NKAIN4: variants seen among roughly 807,000 people sequenced by gnomAD.
NKAIN4 encodes the protein sodium/potassium-transporting ATPase subunit beta-1-interacting protein 4.
NKAIN4 carries 28 observed loss-of-function variants against 28.8 expected under a neutral mutation model. The ratio of observed to expected loss-of-function variants is 0.97; its 90% CI spans 0.72 to 1.33. The LOEUF (loss-of-function observed/expected upper bound fraction) is 1.33, where lower values mean the gene tolerates loss of function less well. Ranked by LOEUF, NKAIN4 falls within the 40% of genes most tolerant of loss-of-function variation. The pLI is 0.00. For synonymous variants in NKAIN4, 122 were observed against 115.6 expected (o/e 1.06, Z -0.36); for missense variants, 289 against 277.2 (o/e 1.04, Z -0.30).
At position 63,245,272 on chromosome 20, in the gene NKAIN4, C is replaced by T. The variant is rs1158910033; in HGVS notation, c.472-1188G>A. ...CTGTCCCAAATGGCCATTTCTGGTT[C>T]CATGCCACGGCCAGGGTGGGAGCAG... On this transcript the variant is annotated intron_variant, in intron 4 of 6. Coordinates refer to ENST00000370316, the MANE Select transcript of NKAIN4 (RefSeq NM_152864.4). This position sits in a 1 kb window ranked among gnomAD's most constrained non-coding sequence, Gnocchi z 4.7. 6.6e-6 allele frequency among the ~76,000 whole-genome samples: 1 copy of T among 152,166 alleles called. No individual in the cohort carries two copies. Among genetic ancestry groups the T allele is most frequent in the Admixed American group, 6.5e-5 (1 of 15,292 alleles).
intron 1 of NKAIN4, among the ~76,000 whole-genome samples, chr20:63,251,843 A>G (rs1016660404): frequency 1.3e-5 from 2 of 152,132 alleles, no homozygotes; most frequent in African/African-American, 4.8e-5. Context: ...TTGCCTGGGC[A>G]CCTGGGTGGC....
intron 6 of NKAIN4, 81 bp downstream of exon 6, chr20:63,242,458 C>T: frequency 1.1e-6 from 1 of 933,340 alleles, no homozygotes; most frequent in Non-Finnish European, 1.8e-6. Flanking sequence ...CCTGGTGAGG[C>T]CCCCAAGGAA....
Position 63,245,806 on chromosome 20 carries a change from G to C in NKAIN4, c.472-1722C>G, listed in dbSNP as rs1219044705. On this transcript the variant is annotated intron_variant, in intron 4 of 6. Transcript: ENST00000370316. The surrounding 1 kb of genome is among the most constrained non-coding windows in gnomAD (Gnocchi z 4.7). ...ATCAAAGAAATTCCCATCCCTGGGAGTCAGGATAAAAGCCAACAGGAGGCC... is the reference window on the plus strand; with the variant it reads ...ATCAAAGAAATTCCCATCCCTGGGACTCAGGATAAAAGCCAACAGGAGGCC... Among the ~76,000 whole-genome samples, 1 of 152,066 alleles carries C rather than the reference G, an allele frequency of 6.6e-6. No individual in the cohort carries two copies. Among genetic ancestry groups the C allele is most frequent in the Non-Finnish European group, 1.5e-5 (1 of 68,008 alleles).
chr20:63,253,966 C>G (rs934229178), intron 1 of NKAIN4: 2 of 164,336 alleles, frequency 1.2e-5, no homozygotes, highest in African/African-American at 4.8e-5. Flanking sequence ...AGAATCGGAA[C>G]TTGGCCGCTC....
Position 63,245,440 on chromosome 20 carries a change from C to A in NKAIN4, c.472-1356G>T, listed in dbSNP as rs373462589. Among the ~76,000 whole-genome samples, 136 of 152,206 alleles carry A rather than the reference C, an allele frequency of 8.9e-4. 2 individuals carry two copies. In the South Asian group the frequency reaches 0.026, roughly 29 times the overall value. On this transcript the variant is annotated intron_variant, in intron 4 of 6. Transcript: ENST00000370316. This position sits in a 1 kb window ranked among gnomAD's most constrained non-coding sequence, Gnocchi z 4.7. ...TGGAAGATGCCCCTTCCAGCCGGTGCCCTCCTGCCTGGGGACCTGCAGGCC... is the reference window on the plus strand; with the variant it reads ...TGGAAGATGCCCCTTCCAGCCGGTGACCTCCTGCCTGGGGACCTGCAGGCC...
chr20:63,252,825 C>CG lies in NKAIN4; in HGVS notation c.54+1571dup, dbSNP rs1232461272. Among the ~76,000 whole-genome samples, 1 of 152,182 alleles carries CG rather than the reference C, an allele frequency of 6.6e-6. No homozygotes were observed. The highest frequency in any genetic ancestry group is 1.5e-5 in the Non-Finnish European group (1 of 68,022). On this transcript the variant is annotated intron_variant, in intron 1 of 6. Coordinates refer to ENST00000370316, the MANE Select transcript of NKAIN4 (RefSeq NM_152864.4). This position sits in a 1 kb window ranked among gnomAD's most constrained non-coding sequence, Gnocchi z 4.6. ...TCTACTGTCCACCGCAGAGGTGAAA[C>CG]GGGAACATGACCCCACCCGCCCCTC... is the stretch of plus-strand genomic sequence containing the variant.
At chr20:63,253,825 C>CGGGCGGAATGGG (rs1568715522) in intron 1 of NKAIN4, among the ~76,000 whole-genome samples, 2 of 130,204 alleles carry the variant, frequency 1.5e-5, no homozygotes. Flanking sequence ...AGCTCCACGC[C>CGGGCGGAATGGG]GGGCGGAATG....
intron 2 of NKAIN4, chr20:63,249,134 A>C: frequency 1.9e-5 from 10 of 524,572 alleles, no homozygotes; most frequent in East Asian, 6.8e-5. Context: ...CAGCCAGCTC[A>C]AGGGAGCCCC....
chr20:63,253,368 G>A (rs2066994761), intron 1 of NKAIN4: 7 of 985,312 alleles, frequency 7.1e-6, no homozygotes, highest in Non-Finnish European at 8.4e-6. Context: ...TGCCTCCGCC[G>A]TCCCTAGGTC....
Position 63,249,939 on chromosome 20 carries a change from A to G in NKAIN4, c.188T>C (p.Met63Thr), listed in dbSNP as rs781529346. ...AGGGCCGGGCCCAGGACTCACCACC[A>G]TGACATAGCGCAGCCGGTACTGGAT... ...GTIQYRLRYV[M>T]VYTLWAAVWV... The change falls in exon 2 of 7, where the codon ATG becomes ACG. Residue 63 changes from methionine to threonine, a missense_variant. Met to Thr is a moderately conservative substitution (Grantham distance 81). Transcript: ENST00000370316. 21 of 1,612,906 alleles carry G rather than the reference A, an allele frequency of 1.3e-5. No individual in the cohort carries two copies. The highest frequency in any genetic ancestry group is 2.7e-5 in the African/African-American group (2 of 75,010).
intron 4 of NKAIN4, chr20:63,246,651 C>A: frequency 1.0e-6 from 1 of 985,376 alleles, no homozygotes; most frequent in South Asian, 4.7e-5. Context: ...TCGACACCAC[C>A]GTGCGCACCA....
At chr20:63,244,482 C>G (rs1359732875) in intron 4 of NKAIN4, 1 of 477,204 alleles carries the variant, frequency 2.1e-6, no homozygotes, top group East Asian at 6.7e-5. Context: ...TTGGCCCCAG[C>G]CCACTCCAGC....
At chr20:63,251,858 C>T (rs1410427470) in intron 1 of NKAIN4, among the ~76,000 whole-genome samples, 1 of 152,204 alleles carries the variant, frequency 6.6e-6, no homozygotes, top group African/African-American at 2.4e-5. Context: ...GGTGGCTAGC[C>T]GCCCACGAAA....
intron 4 of NKAIN4, 24 bp downstream of exon 4, chr20:63,247,554 G>A (rs947782695): frequency 7.8e-6 from 12 of 1,540,560 alleles, no homozygotes; most frequent in Admixed American, 4.0e-5. Flanking sequence ...ATCCCCACCC[G>A]GGGGCCCCCT....
rs376589779 is a variant in NKAIN4 at position 63,245,967 on chromosome 20, A to G, written c.471+1611T>C. Among the ~76,000 whole-genome samples, 355 of 146,842 alleles carry G rather than the reference A, an allele frequency of 2.4e-3. 1 individual carries two copies. Among genetic ancestry groups the G allele is most frequent in the South Asian group, 0.014 (65 of 4,694 alleles). On this transcript the variant is annotated intron_variant, in intron 4 of 6. Coordinates refer to ENST00000370316, the MANE Select transcript of NKAIN4 (RefSeq NM_152864.4). The surrounding 1 kb of genome is among the most constrained non-coding windows in gnomAD (Gnocchi z 4.7). ...TTTTGAGACAGAGTCTCGCTCTGTCACCCAGGCTGGAGTGCAGTGGCGTGA... is the reference window on the plus strand; with the variant it reads ...TTTTGAGACAGAGTCTCGCTCTGTCGCCCAGGCTGGAGTGCAGTGGCGTGA...
At chr20:63,243,002 G>A (rs1011969573) in intron 5 of NKAIN4, among the ~76,000 whole-genome samples, 6 of 152,204 alleles carry the variant, frequency 3.9e-5, no homozygotes, top group East Asian at 3.9e-4. Context: ...GGGCTGCACC[G>A]TGTTCCGCCC....
At chr20:63,244,109 G>GT (rs778268245) in intron 4 of NKAIN4, 25 bp from the exon 5 acceptor site, 4 of 1,605,792 alleles carry the variant, frequency 2.5e-6, no homozygotes, top group Middle Eastern at 1.7e-4. Flanking sequence ...AGGCAGGGGC[G>GT]TGAGTGCGGC....
intron 6 of NKAIN4, chr20:63,241,818 C>A: frequency 3.7e-6 from 2 of 542,186 alleles, no homozygotes; most frequent in Non-Finnish European, 7.0e-6. Context: ...CTGCGTGTGA[C>A]CCCACCCCTT....
intron 1 of NKAIN4, among the ~76,000 whole-genome samples, chr20:63,250,732 G>C (rs889539861): frequency 6.6e-6 from 1 of 152,138 alleles, no homozygotes; most frequent in African/African-American, 2.4e-5. Context: ...TATAAAGTTG[G>C]TATTTTATAT....
Sources: allele counts gnomAD v4.1 joint callset (sites outside exome capture counted in the v4.1 genomes callset), GRCh38; gene constraint gnomAD v4.1.1; non-coding constraint Gnocchi (gnomAD v3.1); transcripts MANE v1.5; gene names NCBI Gene and HGNC (gene_info 2026-07-23, HGNC 2026-07-21).